The following SORCS1 variants were observed in gnomAD, a reference collection of about 807,000 sequenced individuals.
The protein encoded by SORCS1 is sortilin related VPS10 domain containing receptor 1.
In SORCS1, 60 loss-of-function variants were observed where a neutral mutation model predicts 146.1. The ratio of observed to expected loss-of-function variants is 0.41; its 90% CI spans 0.33 to 0.51. The LOEUF (loss-of-function observed/expected upper bound fraction) is 0.51. Among genes scored for constraint, SORCS1 ranks in the 20% least tolerant of loss-of-function variants. The pLI is 0.21. For synonymous variants in SORCS1, 637 were observed against 584.0 expected, an observed-to-expected ratio of 1.09 and a Z score of -1.31; for missense variants, 1,352 against 1,487.6, an observed-to-expected ratio of 0.91 and a Z score of 1.50.
intron 23 of SORCS1, among the ~76,000 whole-genome samples, chr10:106,599,147 C>T (rs1030759261): frequency 3.3e-5 from 5 of 152,086 alleles, no homozygotes; most frequent in African/African-American, 1.2e-4. Context: ...GGGTGGATCA[C>T]TTCAGTTCAG....
chr10:106,614,038 G>T (rs955462010), intron 21 of SORCS1, among the ~76,000 whole-genome samples: 1 of 151,788 alleles, frequency 6.6e-6, no homozygotes, highest in Non-Finnish European at 1.5e-5. Context: ...CACACTCAGC[G>T]CTATTTAAAT....
At chr10:106,672,185 C>T (rs926791664) in intron 15 of SORCS1, among the ~76,000 whole-genome samples, 2 of 152,134 alleles carry the variant, frequency 1.3e-5, no homozygotes, top group Non-Finnish European at 2.9e-5. Context: ...AGGTATATGA[C>T]GTTTTTCTGC....
chr10:106,928,104 C>A (rs4614368), intron 2 of SORCS1, among the ~76,000 whole-genome samples: 1 of 152,168 alleles, frequency 6.6e-6, no homozygotes, highest in Admixed American at 6.5e-5. Context: ...GCCGTGCACC[C>A]GCACTCCTCA....
At chr10:107,037,761 G>C (rs1013234434) in intron 1 of SORCS1, among the ~76,000 whole-genome samples, 2 of 152,228 alleles carry the variant, frequency 1.3e-5, no homozygotes, top group Non-Finnish European at 2.9e-5. Flanking sequence ...CTCATCAAGA[G>C]CCAAACCAAA....
At chr10:106,961,446 A>G (rs1011697424) in intron 1 of SORCS1, among the ~76,000 whole-genome samples, 5 of 152,240 alleles carry the variant, frequency 3.3e-5, no homozygotes, top group Non-Finnish European at 7.3e-5. Flanking sequence ...GATGGTAGAG[A>G]ACCAAAATTT....
intron 1 of SORCS1, among the ~76,000 whole-genome samples, chr10:107,138,096 C>A (rs1007836453): frequency 2.0e-4 from 31 of 152,092 alleles, no homozygotes; most frequent in African/African-American, 7.5e-4. Flanking sequence ...CTTATATTTT[C>A]ATTTCTGCAA....
At chr10:106,691,686 C>A (rs1853309200) in intron 9 of SORCS1, among the ~76,000 whole-genome samples, 1 of 152,104 alleles carries the variant, frequency 6.6e-6, no homozygotes. Context: ...CCTGATGTGC[C>A]TCTACCTATT....
chr10:107,021,863 C>T (rs896103899), intron 1 of SORCS1, among the ~76,000 whole-genome samples: 19 of 152,092 alleles, frequency 1.2e-4, no homozygotes, highest in Middle Eastern at 3.2e-3. Context: ...TTCTACTTTA[C>T]GTGATTGGTG....
At chr10:106,584,233 G>A (rs534949616) in intron 24 of SORCS1, among the ~76,000 whole-genome samples, 9 of 152,270 alleles carry the variant, frequency 5.9e-5, no homozygotes, top group African/African-American at 1.7e-4. Context: ...CATTTACAGA[G>A]CACTTTCAGT....
At chr10:106,986,485 T>C (rs1217158470) in intron 1 of SORCS1, among the ~76,000 whole-genome samples, 1 of 151,410 alleles carries the variant, frequency 6.6e-6, no homozygotes, top group African/African-American at 2.4e-5. Flanking sequence ...TAATATGAAG[T>C]TGATTCTTAA....
chr10:107,090,291 A>C (rs533877378), intron 1 of SORCS1, among the ~76,000 whole-genome samples: 1 of 152,204 alleles, frequency 6.6e-6, no homozygotes, highest in Non-Finnish European at 1.5e-5. Context: ...GAGGAAGTAA[A>C]GGAGAAAGGA....
the SORCS1 span, among the ~76,000 whole-genome samples, chr10:107,173,873 T>G: frequency 6.6e-6 from 1 of 152,184 alleles, no homozygotes; most frequent in African/African-American, 2.4e-5. Context: ...TGTTTCTGAA[T>G]TTTCTATTCT....
At chr10:107,006,915 G>T (rs945445248) in intron 1 of SORCS1, among the ~76,000 whole-genome samples, 135 of 138,724 alleles carry the variant, frequency 9.7e-4, no homozygotes, top group African/African-American at 4.6e-3. Context: ...ATTTTTCAAT[G>T]ATTATAAACA....
At chr10:106,651,741 A>T (rs1849880432) in intron 18 of SORCS1, among the ~76,000 whole-genome samples, 1 of 152,226 alleles carries the variant, frequency 6.6e-6, no homozygotes, top group Admixed American at 6.5e-5. Flanking sequence ...TTCCCCATTT[A>T]CAAGATGACA....
intron 1 of SORCS1, among the ~76,000 whole-genome samples, chr10:106,994,076 A>G (rs1360950226): frequency 2.0e-5 from 3 of 150,852 alleles, no homozygotes; most frequent in Admixed American, 2.0e-4. Flanking sequence ...AAAAAAAAAA[A>G]AAAAAAAAAA....
At chr10:106,978,102 T>C (rs996759540) in intron 1 of SORCS1, among the ~76,000 whole-genome samples, 2 of 152,176 alleles carry the variant, frequency 1.3e-5, no homozygotes, top group African/African-American at 4.8e-5. Flanking sequence ...CACCATCACA[T>C]CCGGCTGTTG....
intron 1 of SORCS1, among the ~76,000 whole-genome samples, chr10:107,114,499 G>A (rs570712104): frequency 6.6e-6 from 1 of 151,988 alleles, no homozygotes; most frequent in East Asian, 1.9e-4. Flanking sequence ...AAAGAACAAA[G>A]GACAAAAATC....
At chr10:106,924,513 C>T (rs377661320) in intron 2 of SORCS1, among the ~76,000 whole-genome samples, 53 of 148,954 alleles carry the variant, frequency 3.6e-4, no homozygotes, top group South Asian at 1.9e-3. Context: ...ATCTATCTAT[C>T]TAATTTGCAT....
chr10:107,171,716 A>T, the SORCS1 span, among the ~76,000 whole-genome samples: 1 of 151,876 alleles, frequency 6.6e-6, no homozygotes. Context: ...GGGTTTCACC[A>T]TGTTGTCCTG....
Sources: allele counts gnomAD v4.1 joint callset (sites outside exome capture counted in the v4.1 genomes callset), GRCh38; gene constraint gnomAD v4.1.1; transcripts MANE v1.5; gene names NCBI Gene and HGNC (gene_info 2026-07-23, HGNC 2026-07-21).